The following ARHGEF10 variants were observed in gnomAD, a reference collection of about 807,000 sequenced individuals.
The protein encoded by ARHGEF10 is Rho guanine nucleotide exchange factor (GEF) 10.
A neutral mutation model predicts 147.4 loss-of-function variants in ARHGEF10; 140 were observed. The ratio of observed to expected loss-of-function variants is 0.95; its 90% confidence interval spans 0.83 to 1.09. The LOEUF (loss-of-function observed/expected upper bound fraction) is 1.09. Ranked by LOEUF, ARHGEF10 falls within the 50% of genes least tolerant of loss-of-function variation. The pLI, the probability that ARHGEF10 is intolerant of heterozygous loss-of-function variation, is 0.00. For synonymous variants in ARHGEF10, 902 were observed against 695.8 expected, an observed-to-expected ratio of 1.30 and a Z score of -4.67; for missense variants, 2,222 against 1,752.7, an observed-to-expected ratio of 1.27 and a Z score of -4.78.
chr8:1,847,549 C>T (rs1004665442), intron 2 of ARHGEF10, among the ~76,000 whole-genome samples: 40 of 152,062 alleles, frequency 2.6e-4, no homozygotes, highest in Admixed American at 1.9e-3. Context: ...CTCAGACAGA[C>T]GCCAGCACTC....
At chr8:1,882,529 C>T (rs1808291318) in intron 9 of ARHGEF10, 106 bp from the exon 10 acceptor site, 2 of 979,608 alleles carry the variant, frequency 2.0e-6, no homozygotes, top group South Asian at 1.4e-5. Flanking sequence ...GACACATGCG[C>T]TCACAAGAAC....
At chr8:1,883,910 A>G (rs1281746150) in intron 10 of ARHGEF10, among the ~76,000 whole-genome samples, 1 of 152,084 alleles carries the variant, frequency 6.6e-6, no homozygotes, top group Non-Finnish European at 1.5e-5. Flanking sequence ...CCAGGAGCTG[A>G]TCACAACTGC....
At position 1,880,035 on chromosome 8, in the gene ARHGEF10, C is replaced by T. The variant is rs756142351; in HGVS notation, c.844-13C>T. ...GCCTTTTTGTGAAAAGACTGTGTCT[C>T]TTTATGCTGTAGCTTTCTCATGACC... On this transcript the variant is annotated splice_polypyrimidine_tract_variant and intron_variant, in intron 8 of 28. Transcript: ENST00000349830. 3 of 1,573,060 alleles carry T rather than the reference C, an allele frequency of 1.9e-6. No homozygotes were observed. Among genetic ancestry groups the T allele is most frequent in the African/African-American group, 2.7e-5 (2 of 74,148 alleles).
intron 26 of ARHGEF10, chr8:1,943,872 T>G (rs60815762): frequency 6.6e-6 from 1 of 150,656 alleles, no homozygotes; most frequent in Non-Finnish European, 1.5e-5. Flanking sequence ...TGGCGAGAGG[T>G]ATTACACGGC....
At chr8:1,836,763 C>G (rs889188620) in intron 1 of ARHGEF10, among the ~76,000 whole-genome samples, 9 of 152,140 alleles carry the variant, frequency 5.9e-5, no homozygotes, top group Admixed American at 5.9e-4. Flanking sequence ...AATTGTATCT[C>G]CCAGAATTCC....
chr8:1,861,423 C>A (rs1030947094), intron 4 of ARHGEF10, among the ~76,000 whole-genome samples: 8 of 152,184 alleles, frequency 5.3e-5, no homozygotes, highest in African/African-American at 1.9e-4. Context: ...TCTTCAGGAG[C>A]GACCCAGTCG....
At chr8:1,847,744 A>G (rs1804670036) in intron 2 of ARHGEF10, among the ~76,000 whole-genome samples, 1 of 152,190 alleles carries the variant, frequency 6.6e-6, no homozygotes, top group Admixed American at 6.6e-5. Flanking sequence ...GTGCTTTTTA[A>G]AGGACTTTTC....
rs1284206731 is a variant in ARHGEF10 at position 1,885,654 on chromosome 8, A to G, written c.1129A>G (p.Lys377Glu). Residue 377 changes from lysine (K) to glutamate (E), a missense_variant, in exon 11 of 29, where the codon AAG becomes GAG. Coordinates refer to ENST00000349830, the MANE Select transcript of ARHGEF10 (RefSeq NM_014629.4). ...EQNLFIDVDC[K>E]HPEAILTPMP... is the part of the protein sequence containing the mutation. ...GAATTTGTTCATTGATGTTGACTGCAAGCACCCGGAAGCCATCTTGACCCC... is the reference window on the plus strand; with the variant it reads ...GAATTTGTTCATTGATGTTGACTGCGAGCACCCGGAAGCCATCTTGACCCC... 1 of 1,614,056 alleles carries G rather than the reference A, an allele frequency of 6.2e-7. No homozygotes were observed. The highest frequency in any genetic ancestry group is 2.2e-5 in the East Asian group (1 of 44,884).
At chr8:1,853,735 T>G (rs1252211646) in intron 2 of ARHGEF10, among the ~76,000 whole-genome samples, 5 of 152,144 alleles carry the variant, frequency 3.3e-5, no homozygotes, top group Admixed American at 3.3e-4. Flanking sequence ...CAGGTCAGGG[T>G]GCTGGCAGGC....
intron 2 of ARHGEF10, among the ~76,000 whole-genome samples, chr8:1,846,322 C>T (rs977063030): frequency 5.9e-5 from 9 of 152,326 alleles, no homozygotes; most frequent in Admixed American, 3.3e-4. Context: ...ATAACTTTTA[C>T]GACAAATAGA....
Position 1,909,462 on chromosome 8 carries a change from C to T in ARHGEF10, c.2135C>T (p.Ala712Val), listed in dbSNP as rs201394769. The T allele has an allele frequency of 1.7e-5, 28 of 1,614,000 alleles. No homozygotes were observed. Among genetic ancestry groups the T allele is most frequent in the Middle Eastern group, 1.7e-4 (1 of 6,058 alleles). ...PPESLAVVANAKPNKVYMGPG... is the reference protein window; with the variant it reads ...PPESLAVVANVKPNKVYMGPG... Reference sequence around the variant, plus strand: ...GAGAGCCTGGCCGTGGTTGCTAACGCGAAACCAAGTAAGTGATGCTTTCTC... The same window carrying T: ...GAGAGCCTGGCCGTGGTTGCTAACGTGAAACCAAGTAAGTGATGCTTTCTC... The change falls in exon 18 of 29, where the codon GCG becomes GTG. Residue 712 changes from alanine to valine, a missense_variant. Ala to Val is a moderately conservative substitution (Grantham distance 64). Coordinates refer to ENST00000349830, the MANE Select transcript of ARHGEF10 (RefSeq NM_014629.4).
At chr8:1,940,818 C>G (rs560288292) in intron 26 of ARHGEF10, among the ~76,000 whole-genome samples, 1 of 152,054 alleles carries the variant, frequency 6.6e-6, no homozygotes, top group East Asian at 1.9e-4. Flanking sequence ...TGGTTCAGGA[C>G]GTGAAAATCA....
rs1359470736 is a variant in ARHGEF10 at position 1,888,965 on chromosome 8, TC to T, written c.1182+3259del. 1.3e-3 allele frequency among the ~76,000 whole-genome samples: 96 copies of T among 72,308 alleles called. 1 individual carries two copies. The highest frequency in any genetic ancestry group is 3.3e-3 in the East Asian group (7 of 2,090). 47.4% of individuals were successfully genotyped at this position (72,308 alleles called of 152,430 possible). A position where few individuals can be genotyped will look rare whatever the true frequency, so the allele number is the denominator to read the frequency against. ...ACGAGACACTGAGTGGGGTGAGGGG[TC>T]TGCGAGGAGACACTGAGGTGTGAGG... is the stretch of plus-strand genomic sequence containing the variant. On this transcript the variant is annotated intron_variant, in intron 11 of 28. Transcript: ENST00000349830.
chr8:1,860,386 C>T, intron 4 of ARHGEF10, among the ~76,000 whole-genome samples: 1 of 142,156 alleles, frequency 7.0e-6, no homozygotes, highest in East Asian at 2.2e-4. Context: ...CGGGCCTAAC[C>T]TTCCCCCCTC....
At chr8:1,836,082 G>T (rs1413103718) in intron 1 of ARHGEF10, among the ~76,000 whole-genome samples, 1 of 151,892 alleles carries the variant, frequency 6.6e-6, no homozygotes, top group African/African-American at 2.4e-5. Context: ...TCGGGAGGCT[G>T]AGGCAGGAGA....
intron 5 of ARHGEF10, among the ~76,000 whole-genome samples, chr8:1,866,070 A>G (rs1026606804): frequency 6.6e-6 from 1 of 152,202 alleles, no homozygotes; most frequent in East Asian, 1.9e-4. Flanking sequence ...CGCTGGGGGC[A>G]GAGCACCATG....
chr8:1,824,300 G>A (rs2129025283), intron 1 of ARHGEF10, among the ~76,000 whole-genome samples, 187 bp downstream of exon 1: 1 of 151,656 alleles, frequency 6.6e-6, no homozygotes, highest in Non-Finnish European at 1.5e-5. Context: ...TCCCCCTTCC[G>A]CGGCGCCCCC....
At chr8:1,873,443 G>A (rs1309210851) in intron 7 of ARHGEF10, among the ~76,000 whole-genome samples, 1 of 151,576 alleles carries the variant, frequency 6.6e-6, no homozygotes, top group African/African-American at 2.4e-5. Flanking sequence ...AGCCCGCGGG[G>A]TAGTGCACCC....
chr8:1,896,000 C>T (rs895102230), intron 13 of ARHGEF10, among the ~76,000 whole-genome samples: 5 of 152,094 alleles, frequency 3.3e-5, no homozygotes, highest in Non-Finnish European at 5.9e-5. Context: ...GGAGGTTGAA[C>T]CCACCAAGTG....
Sources: allele counts gnomAD v4.1 joint callset (sites outside exome capture counted in the v4.1 genomes callset), GRCh38; gene constraint gnomAD v4.1.1; transcripts MANE v1.5; gene names NCBI Gene and HGNC (gene_info 2026-07-23, HGNC 2026-07-21).